Variants in ARIH2 observed in about 807,000 individuals in gnomAD.
The protein encoded by ARIH2 is ariadne RBR E3 ubiquitin protein ligase 2, also known as E3 ubiquitin-protein ligase ARIH2.
Under a neutral mutation model 79.8 loss-of-function variants are expected in ARIH2, and 12 were observed. The ratio of observed to expected loss-of-function variants is 0.15; its 90% CI spans 0.10 to 0.24. The LOEUF (loss-of-function observed/expected upper bound fraction) is 0.24. Ranked by LOEUF, ARIH2 falls within the 10% of genes least tolerant of loss-of-function variation. ARIH2 has a pLI of 1.00. For synonymous variants in ARIH2, 224 were observed against 213.9 expected, an observed-to-expected ratio of 1.05 and a Z score of -0.41; for missense variants, 301 against 618.3, an observed-to-expected ratio of 0.49 and a Z score of 5.44.
chr3:48,967,834 C>T (rs531142926), intron 6 of ARIH2, among the ~76,000 whole-genome samples: 11 of 152,062 alleles, frequency 7.2e-5, no homozygotes, highest in Non-Finnish European at 1.0e-4. Flanking sequence ...TTAATGGTGC[C>T]GTTAGTGATA....
intron 12 of ARIH2, chr3:48,980,072 G>A: frequency 3.4e-6 from 1 of 292,674 alleles, no homozygotes; most frequent in Non-Finnish European, 6.3e-6. Flanking sequence ...ATGCATAATG[G>A]TCTCTAAGCA....
chr3:48,961,575 C>A, intron 3 of ARIH2, 37 bp from the exon 4 acceptor site: 2 of 1,278,214 alleles, frequency 1.6e-6, no homozygotes, highest in South Asian at 1.2e-5. Context: ...AAAGAAAATG[C>A]AGTTATAATT....
chr3:48,938,422 A>T (rs1376552279), intron 3 of ARIH2, among the ~76,000 whole-genome samples: 2 of 152,212 alleles, frequency 1.3e-5, no homozygotes, highest in African/African-American at 2.4e-5. Context: ...CAGCAGTATG[A>T]AAGAATGAGC....
chr3:48,945,282 A>G, intron 3 of ARIH2: 1 of 1,084,750 alleles, frequency 9.2e-7, no homozygotes, highest in South Asian at 1.3e-5. Flanking sequence ...CTTGTCCTTG[A>G]GGGCTGGAGA....
chr3:48,935,395 C>T (rs995425734), intron 3 of ARIH2, among the ~76,000 whole-genome samples: 4 of 152,114 alleles, frequency 2.6e-5, no homozygotes, highest in Non-Finnish European at 5.9e-5. Flanking sequence ...TGTAGCATGC[C>T]ATCTTGTTTT....
chr3:48,975,518 GTCTTC>G (rs1246262638), intron 11 of ARIH2, among the ~76,000 whole-genome samples: 2 of 151,888 alleles, frequency 1.3e-5, no homozygotes, highest in Admixed American at 6.6e-5. Flanking sequence ...GTCCAAGTGG[GTCTTC>G]TACGCAGCTG....
At chr3:48,981,507 C>T (rs1054535222) in intron 13 of ARIH2, among the ~76,000 whole-genome samples, 153 bp from the exon 14 acceptor site, 9 of 152,044 alleles carry the variant, frequency 5.9e-5, no homozygotes, top group African/African-American at 9.7e-5. Context: ...TTTCCCAATT[C>T]ATCCTCTATT....
At chr3:48,974,890 T>C (rs2092420360) in intron 10 of ARIH2, 23 bp downstream of exon 10, 1 of 1,614,202 alleles carries the variant, frequency 6.2e-7, no homozygotes, top group Non-Finnish European at 8.5e-7. Flanking sequence ...CTCTGCAGTT[T>C]GCATGTGTGA....
Position 48,944,106 on chromosome 3 carries a change from G to A in ARIH2, c.255+16293G>A, listed in dbSNP as rs2088766120. 2.6e-5 allele frequency among the ~76,000 whole-genome samples: 4 copies of A among 152,140 alleles called. No individual in the cohort carries two copies. In the South Asian group the frequency reaches 8.3e-4, roughly 32 times the overall value. On this transcript the variant is annotated intron_variant, in intron 3 of 15. Coordinates refer to ENST00000356401, the MANE Select transcript of ARIH2 (RefSeq NM_006321.4). ...GGCAGTAACCAGCTCTTTGTACTGAGTCCTTCTCAAAAAGTTTCCATTAAA... is the reference window on the plus strand; with the variant it reads ...GGCAGTAACCAGCTCTTTGTACTGAATCCTTCTCAAAAAGTTTCCATTAAA...
intron 11 of ARIH2, among the ~76,000 whole-genome samples, chr3:48,977,126 A>G (rs2092551247): frequency 6.6e-6 from 1 of 151,074 alleles, no homozygotes; most frequent in Non-Finnish European, 1.5e-5. Flanking sequence ...CGCTTGAACC[A>G]GGGAGGTGTA....
chr3:48,923,709 C>T (rs980750346), intron 2 of ARIH2, among the ~76,000 whole-genome samples: 8 of 152,084 alleles, frequency 5.3e-5, no homozygotes, highest in South Asian at 4.2e-4. Context: ...TTAGTAGAGA[C>T]GGGGTTTCTC....
rs2092848076 is a variant in ARIH2 at position 48,984,376 on chromosome 3, T to G, written c.*1106T>G. The G allele has an allele frequency of 6.5e-6, 1 of 152,716 alleles. No homozygotes were observed. The highest frequency in any genetic ancestry group is 2.4e-5 in the African/African-American group (1 of 41,454). The allele number at this position is 152,716 out of a possible 1,614,324, so 9.5% of individuals were successfully genotyped here. A position where few individuals can be genotyped will look rare whatever the true frequency, so the allele number is the denominator to read the frequency against. On this transcript the variant is annotated 3_prime_UTR_variant, in exon 16 of 16. Coordinates refer to ENST00000356401, the MANE Select transcript of ARIH2 (RefSeq NM_006321.4). ...TGTTACCTGGAGAGTGTCCAGAGGC[T>G]GCTCTGAGGCTGAGGTGTGTTCCCC...
At chr3:48,975,187 A>G (rs866254879) in intron 11 of ARIH2, 1 of 726,604 alleles carries the variant, frequency 1.4e-6, no homozygotes, top group Non-Finnish European at 2.2e-6. Context: ...TATCTTGCTA[A>G]CACATATAGT....
chr3:48,933,279 T>C (rs2107049646), intron 3 of ARIH2, among the ~76,000 whole-genome samples: 1 of 112,374 alleles, frequency 8.9e-6, no homozygotes, highest in Non-Finnish European at 1.8e-5. Flanking sequence ...TGTGTGTGTG[T>C]GTGTGTGTGA....
At chr3:48,933,235 GGTGTGTGTGTGTGTGTGTGTGTGTGTGT>G (rs57911300) in intron 3 of ARIH2, among the ~76,000 whole-genome samples, 8 of 134,410 alleles carry the variant, frequency 6.0e-5, no homozygotes, top group Non-Finnish European at 1.1e-4. Flanking sequence ...CACATGCCCG[GGTGTGTGTGTGTGTGTGTGTGTGTGTGT>G]GTGTGTGTGT....
chr3:48,957,616 G>T (rs930172324), intron 3 of ARIH2, among the ~76,000 whole-genome samples: 1 of 152,204 alleles, frequency 6.6e-6, no homozygotes, highest in Non-Finnish European at 1.5e-5. Flanking sequence ...AAAGCATGGT[G>T]TAAGGCTGAT....
At chr3:48,952,627 A>G (rs1488227265) in intron 3 of ARIH2, among the ~76,000 whole-genome samples, 2 of 152,096 alleles carry the variant, frequency 1.3e-5, no homozygotes, top group African/African-American at 4.8e-5. Context: ...GGGAGAGGGT[A>G]AAGTGGTTAA....
chr3:48,977,617 C>G (rs778226191), intron 11 of ARIH2, among the ~76,000 whole-genome samples: 28 of 152,170 alleles, frequency 1.8e-4, no homozygotes, highest in Non-Finnish European at 3.4e-4. Flanking sequence ...GCCACTATAC[C>G]CAGCTAATTT....
intron 3 of ARIH2, among the ~76,000 whole-genome samples, chr3:48,948,062 G>A (rs1177785202): frequency 2.0e-5 from 3 of 152,014 alleles, no homozygotes; most frequent in African/African-American, 7.3e-5. Context: ...CCAGGTTCAC[G>A]CCATTCTCCT....
Sources: gnomAD v4.1 joint callset for allele counts (sites outside exome capture counted in the v4.1 genomes callset) on GRCh38, gnomAD v4.1.1 for gene constraint, MANE v1.5 for transcripts, NCBI Gene and HGNC (gene_info 2026-07-23, HGNC 2026-07-21) for gene names.